The following STK10 variants were observed in gnomAD, a reference collection of about 807,000 sequenced individuals.
STK10 encodes serine/threonine-protein kinase 10.
STK10 carries 78 observed loss-of-function variants against 113.8 expected under a neutral mutation model. The observed-to-expected ratio is 0.69, with a 90% CI of 0.57 to 0.83. The LOEUF (loss-of-function observed/expected upper bound fraction) is 0.83. Among genes scored for constraint, STK10 ranks in the 40% least tolerant of loss-of-function variants. STK10 has a pLI of 0.00. For missense variants in STK10, 1,109 were observed against 1,280.1 expected, an observed-to-expected ratio of 0.87 and a Z score of 2.04; for synonymous variants, 465 against 494.7, an observed-to-expected ratio of 0.94 and a Z score of 0.80.
intron 10 of STK10, among the ~76,000 whole-genome samples, chr5:172,089,531 C>T (rs62381963): frequency 0.2 from 30,591 of 150,470 alleles, 4,205 homozygotes; most frequent in African/African-American, 0.4. Context: ...GGTGGACAGA[C>T]GGAAAGGTAG....
rs1382309493 is a variant in STK10, at chr5:172,043,561, C to T, written c.*1321G>A. The T allele has an allele frequency of 1.3e-5, 2 of 152,114 alleles. No individual in the cohort carries two copies. The highest frequency in any genetic ancestry group is 2.9e-5 in the Non-Finnish European group (2 of 68,026). The allele number at this position is 152,114 out of a possible 1,614,324, so 9.4% of individuals were successfully genotyped here. Reference sequence around the variant, plus strand: ...GAAACCATACATTTTATAGTTGTTTCAATAAAATAATTAGAAATCAGGGTG... The same window carrying T: ...GAAACCATACATTTTATAGTTGTTTTAATAAAATAATTAGAAATCAGGGTG... On this transcript the variant is annotated 3_prime_UTR_variant, in exon 19 of 19. Transcript: ENST00000176763.
At chr5:172,064,846 G>T (rs753529776) in intron 12 of STK10, 34 bp from the exon 13 acceptor site, 4 of 1,608,392 alleles carry the variant, frequency 2.5e-6, no homozygotes, top group Non-Finnish European at 3.4e-6. Context: ...AGCTGGGTCA[G>T]GGTCCTCTCC....
intron 1 of STK10, among the ~76,000 whole-genome samples, chr5:172,160,275 A>G (rs558200731): frequency 6.6e-6 from 1 of 152,170 alleles, no homozygotes; most frequent in Non-Finnish European, 1.5e-5. Context: ...GGAGTTCAAG[A>G]CCAGCCTGGC....
intron 2 of STK10, among the ~76,000 whole-genome samples, chr5:172,152,320 A>G (rs73329628): frequency 0.014 from 2,190 of 152,328 alleles, 58 homozygotes; most frequent in African/African-American, 0.05. Context: ...CAGACACCAG[A>G]GCTTTTCTTC....
intron 1 of STK10, among the ~76,000 whole-genome samples, chr5:172,175,508 C>T (rs1345775936): frequency 6.6e-6 from 1 of 152,106 alleles, no homozygotes; most frequent in Non-Finnish European, 1.5e-5. Flanking sequence ...CACCAGGGTG[C>T]CAGGAGGGGC....
chr5:172,092,004 G>A (rs1768721211), intron 9 of STK10, among the ~76,000 whole-genome samples: 1 of 141,544 alleles, frequency 7.1e-6, no homozygotes, highest in African/African-American at 3.0e-5. Context: ...CTGAGGTCTG[G>A]GCCCCTGTCT....
At chr5:172,056,804 G>A (rs1767782435) in intron 15 of STK10, among the ~76,000 whole-genome samples, 1 of 151,484 alleles carries the variant, frequency 6.6e-6, no homozygotes, top group African/African-American at 2.4e-5. Flanking sequence ...AACCCAGGAG[G>A]TGGAGGTTGC....
chr5:172,156,482 G>C (rs1393367467), intron 2 of STK10, 142 bp downstream of exon 2: 1 of 1,083,370 alleles, frequency 9.2e-7, no homozygotes, highest in Non-Finnish European at 1.3e-6. Flanking sequence ...GTGGCCAGGA[G>C]CTCCCTACTT....
Position 172,082,324 on chromosome 5 carries a change from AC to A in STK10, c.1989+1del. 6.5e-7 allele frequency: 1 copy of A among 1,542,162 alleles called. No homozygotes were observed. On this transcript the variant is annotated splice_donor_variant, in intron 12 of 18. Transcript: ENST00000176763. LOFTEE classifies it high-confidence loss of function. The surrounding 1 kb of genome is among the most constrained non-coding windows in gnomAD (Gnocchi z 4.3). ...CCCTGCCCCCACTGAGCACATACTC[AC>A]CTCTTTCTTCATCAGTTTGAGCTGC...
At chr5:172,112,591 T>A (rs967491732) in intron 4 of STK10, among the ~76,000 whole-genome samples, 4 of 149,984 alleles carry the variant, frequency 2.7e-5, no homozygotes, top group Admixed American at 2.0e-4. Flanking sequence ...CGGCTAATTT[T>A]TTTTTTTTTA....
chr5:172,055,476 C>G (rs1205704627), intron 16 of STK10, 112 bp downstream of exon 16: 2 of 1,132,156 alleles, frequency 1.8e-6, no homozygotes, highest in African/African-American at 3.2e-5. Context: ...AGACGTGAGC[C>G]AGCCTGCATC....
intron 12 of STK10, among the ~76,000 whole-genome samples, chr5:172,073,777 T>C (rs1581141585): frequency 8.5e-6 from 1 of 117,584 alleles, no homozygotes; most frequent in East Asian, 2.3e-4. Context: ...TGAAACCCCA[T>C]CTCTACTAAA....
chr5:172,150,725 T>C (rs896092453), intron 2 of STK10, among the ~76,000 whole-genome samples: 7 of 152,172 alleles, frequency 4.6e-5, no homozygotes, highest in African/African-American at 1.7e-4. Context: ...TGTGGTCATA[T>C]GGGGACACAT....
In STK10 at chr5:172,105,681, C is replaced by T. The variant is rs1313678031; in HGVS notation, c.845G>A (p.Arg282Gln). 3.7e-6 allele frequency: 6 copies of T among 1,613,704 alleles called. No individual in the cohort carries two copies. The highest frequency in any genetic ancestry group is 2.2e-5 in the East Asian group (1 of 44,886). Reference protein sequence around the residue: ...KIALDKNPETRPSAAQLLEHP... With the variant: ...KIALDKNPETQPSAAQLLEHP... ...CTCCAGCAGCTGCGCGGCACTGGGT[C>T]GGGTTTCTGGGTTCTTATCCAGGGC... The change falls in exon 7 of 19, where the codon CGA becomes CAA. Residue 282 changes from arginine to glutamine, a missense_variant. By Grantham distance (43) the Arg-to-Gln change is conservative (BLOSUM62 1). This residue lies in a region of STK10 where 885 missense variants were observed against 991.1 expected (regional missense o/e 0.89). Transcript: ENST00000176763.
intron 1 of STK10, among the ~76,000 whole-genome samples, chr5:172,172,796 A>G (rs1431715230): frequency 1.3e-5 from 2 of 152,126 alleles, no homozygotes; most frequent in Non-Finnish European, 2.9e-5. Context: ...CCTGGCCAAT[A>G]TGGTGAAACC....
At chr5:172,177,015 A>G (rs146204466) in intron 1 of STK10, among the ~76,000 whole-genome samples, 1 of 152,148 alleles carries the variant, frequency 6.6e-6, no homozygotes, top group Non-Finnish European at 1.5e-5. Context: ...CTCTACTAAA[A>G]ATACAAAAAT....
chr5:172,065,252 T>C (rs1768043836), intron 12 of STK10, among the ~76,000 whole-genome samples: 1 of 152,158 alleles, frequency 6.6e-6, no homozygotes, highest in Non-Finnish European at 1.5e-5. Flanking sequence ...TTCAGTTATT[T>C]TGCTTCCTTT....
chr5:172,184,941 G>A (rs780586648), intron 1 of STK10, among the ~76,000 whole-genome samples: 14 of 152,130 alleles, frequency 9.2e-5, no homozygotes, highest in South Asian at 4.1e-4. Context: ...GATTACAGGC[G>A]TGAGCCACAG....
intron 12 of STK10, among the ~76,000 whole-genome samples, chr5:172,070,325 A>G (rs1768150209): frequency 1.3e-5 from 2 of 151,492 alleles, no homozygotes; most frequent in Non-Finnish European, 2.9e-5. Context: ...ATCAAACTAA[A>G]AAACAATAAG....
Sources: gnomAD v4.1 joint callset for allele counts (sites outside exome capture counted in the v4.1 genomes callset) on GRCh38, gnomAD v4.1.1 for gene constraint, gnomAD v4.1.1 regional missense constraint, Gnocchi (gnomAD v3.1) non-coding constraint, MANE v1.5 for transcripts, NCBI Gene and HGNC (gene_info 2026-07-23, HGNC 2026-07-21) for gene names.